Variants in HMCN2 observed in about 807,000 individuals in gnomAD.
HMCN2 encodes the protein hemicentin-2.
HMCN2 carries 325 observed loss-of-function variants against 377.5 expected under a neutral mutation model. That is an observed-to-expected ratio of 0.86 (90% CI 0.79 to 0.94). The LOEUF (loss-of-function observed/expected upper bound fraction) is 0.94. Among genes scored for constraint, HMCN2 ranks in the 40% least tolerant of loss-of-function variants. HMCN2 has a pLI of 0.00. For synonymous variants in HMCN2, 2,007 were observed against 2,046.8 expected (o/e 0.98, Z 0.53); for missense variants, 4,543 against 4,725.3 (o/e 0.96, Z 1.13).
chr9:130,277,106 G>A (rs927947154), intron 1 of HMCN2, among the ~76,000 whole-genome samples: 1 of 152,232 alleles, frequency 6.6e-6, no homozygotes, highest in African/African-American at 2.4e-5. Context: ...GGGTTAGGCC[G>A]TTCCACCCAT....
At chr9:130,348,825 T>C (rs537680856) in intron 27 of HMCN2, 150 bp downstream of exon 27, 1 of 1,224,270 alleles carries the variant, frequency 8.2e-7, no homozygotes, top group African/African-American at 1.5e-5. Context: ...CAGTGGAGGA[T>C]AGTGGTCATG....
intron 29 of HMCN2, among the ~76,000 whole-genome samples, chr9:130,350,745 A>ATG (rs1357878057): frequency 6.7e-6 from 1 of 149,826 alleles, no homozygotes; most frequent in Non-Finnish European, 1.5e-5. Context: ...ATATATATAT[A>ATG]TATATACGGG....
Position 130,365,746 on chromosome 9 carries a change from G to A in HMCN2, c.6505+19G>A. 1.0e-6 allele frequency: 1 copy of A among 984,082 alleles called. No individual in the cohort carries two copies. The allele number at this position is 984,082 out of a possible 1,614,324, so 61.0% of individuals were successfully genotyped here. ...GTCTGGGGTGAGGGTCTCCCAGGCT[G>A]GGCAGGGGGAGGGGGCTGCTGCCTT... On this transcript the variant is annotated intron_variant, in intron 42 of 97. Transcript: ENST00000683500.
At chr9:130,376,706 C>T (rs7867125) in intron 52 of HMCN2, 48 bp downstream of exon 52, 28,409 of 982,640 alleles carry the variant, frequency 0.029, 930 homozygotes, top group African/African-American at 0.15. Flanking sequence ...CCTCTGCTTC[C>T]GGCTGGTTCT....
chr9:130,287,706 T>C (rs1406601586), intron 4 of HMCN2, among the ~76,000 whole-genome samples: 7 of 152,186 alleles, frequency 4.6e-5, no homozygotes, highest in African/African-American at 1.7e-4. Flanking sequence ...TGAGTCCCGA[T>C]GGCCACAGCC....
At chr9:130,384,866 C>T in intron 59 of HMCN2, 68 bp downstream of exon 59, 2 of 1,050,432 alleles carry the variant, frequency 1.9e-6, no homozygotes, top group South Asian at 2.7e-5. Flanking sequence ...CCCATACTCC[C>T]CCAGAGAACA....
chr9:130,348,505 G>A (rs889843233), intron 26 of HMCN2, 40 bp from the exon 27 acceptor site: 2 of 1,298,326 alleles, frequency 1.5e-6, no homozygotes, highest in African/African-American at 1.5e-5. Flanking sequence ...TGGCTCTAAG[G>A]GGGCAGGGAA....
Position 130,288,201 on chromosome 9 carries a change from GTGAGGCTGGGCTGTCCTAAGCCTCTTCCT to G in HMCN2, c.612+1902_612+1930del, listed in dbSNP as rs532300086. Among the ~76,000 whole-genome samples the G allele has an allele frequency of 3.3e-5, 5 of 152,330 alleles. No homozygotes were observed. In the East Asian group the frequency reaches 9.6e-4, roughly 29 times the overall value. On this transcript the variant is annotated intron_variant, in intron 4 of 97. Coordinates refer to ENST00000683500, the MANE Select transcript of HMCN2 (RefSeq NM_001291815.2). ...GTTGATGGGGGCCACTCGCCCAGGTGTGAGGCTGGGCTGTCCTAAGCCTCTTCCTTGAGGCTGGGAACCTGGGCAAATCC... is the reference window on the plus strand; with the variant it reads ...GTTGATGGGGGCCACTCGCCCAGGTGTGAGGCTGGGAACCTGGGCAAATCC...
rs117027819 is a variant in HMCN2, at chr9:130,360,316, A to G, written c.5774-112A>G. On this transcript the variant is annotated intron_variant, in intron 37 of 97. Transcript: ENST00000683500. This position sits in a 1 kb window ranked among gnomAD's most constrained non-coding sequence, Gnocchi z 4.7. ...GCTTCTCTCTTCCATTCCCCCTTGC[A>G]TCTCTCTTCCTTTCCCCCTTGCATC... 2.4e-6 allele frequency: 1 copy of G among 421,036 alleles called. No individual in the cohort carries two copies. Among genetic ancestry groups the G allele is most frequent in the Non-Finnish European group, 3.6e-6 (1 of 275,420 alleles). The allele number at this position is 421,036 out of a possible 1,614,324, so 26.1% of individuals were successfully genotyped here.
intron 4 of HMCN2, among the ~76,000 whole-genome samples, chr9:130,292,953 T>A (rs1835866272): frequency 6.9e-6 from 1 of 144,650 alleles, no homozygotes; most frequent in African/African-American, 2.6e-5. Context: ...TCTGGATCAA[T>A]TGCTCTATCT....
At chr9:130,277,480 C>T (rs1043912087) in intron 1 of HMCN2, among the ~76,000 whole-genome samples, 1 of 152,206 alleles carries the variant, frequency 6.6e-6, no homozygotes, top group Non-Finnish European at 1.5e-5. Context: ...ACTGGACTCT[C>T]ATTTCTACTG....
At position 130,306,817 on chromosome 9, in the gene HMCN2, T is replaced by C. The variant is rs781888233; in HGVS notation, c.1965T>C (p.His655=). The C allele has an allele frequency of 1.1e-5, 5 of 468,606 alleles. No individual in the cohort carries two copies. The highest frequency in any genetic ancestry group is 7.8e-5 in the South Asian group (5 of 64,274). 29.0% of individuals were successfully genotyped at this position (468,606 alleles called of 1,614,324 possible). ...SQALQEDSRI[H]VDAQGTLIIQ... is the part of the protein sequence containing the mutation. ...TTCTATGGCATGATTCTAGAATCCATGTGGACGCACAGGGAACCCTGATTA... is the reference window on the plus strand; with the variant it reads ...TTCTATGGCATGATTCTAGAATCCACGTGGACGCACAGGGAACCCTGATTA... The change falls in exon 13 of 98, where the codon CAT becomes CAC. Residue 655 remains histidine (H), a synonymous_variant. Transcript: ENST00000683500.
rs763293002 is a variant in HMCN2 at position 130,355,870 on chromosome 9, T to C, written c.5255+16T>C. 3 of 1,273,234 alleles carry C rather than the reference T, an allele frequency of 2.4e-6. No homozygotes were observed. In the South Asian group the frequency reaches 3.7e-5, roughly 16 times the overall value. The allele number at this position is 1,273,234 out of a possible 1,614,324, so 78.9% of individuals were successfully genotyped here. ...CCACTATCCAGTGAGTCTGGGGTGG[T>C]GGAGGCCAGGGCTGGGGGTAGGCAG... On this transcript the variant is annotated intron_variant, in intron 33 of 97. Transcript: ENST00000683500.
rs916576131 is a variant in HMCN2, at chr9:130,303,190, C to G, written c.1421+189C>G. Among the ~76,000 whole-genome samples, 1 of 152,218 alleles carries G rather than the reference C, an allele frequency of 6.6e-6. No individual in the cohort carries two copies. The highest frequency in any genetic ancestry group is 1.5e-5 in the Non-Finnish European group (1 of 68,042). On this transcript the variant is annotated intron_variant, in intron 9 of 97. Coordinates refer to ENST00000683500, the MANE Select transcript of HMCN2 (RefSeq NM_001291815.2). This position sits in a 1 kb window ranked among gnomAD's most constrained non-coding sequence, Gnocchi z 5.2. ...AGGAGTTTTTCCGAGACTCCCACCA[C>G]TGCTGGGCCATCAGCTGGTGAAGGA...
At chr9:130,315,196 CCCCTCCCTCCCCT>C (rs2131380568) in intron 15 of HMCN2, among the ~76,000 whole-genome samples, 1 of 6,422 alleles carries the variant, frequency 1.6e-4, no homozygotes, top group Non-Finnish European at 3.7e-4. Flanking sequence ...CTCCCTCCCT[CCCCTCCCTCCCCT>C]CCCCTCCCTC....
chr9:130,424,232 G>A (rs920343321), intron 87 of HMCN2, among the ~76,000 whole-genome samples: 2 of 149,244 alleles, frequency 1.3e-5, no homozygotes, highest in Non-Finnish European at 3.0e-5. Flanking sequence ...AGGCTAGAGT[G>A]CAGTGGCATG....
In HMCN2 at chr9:130,355,769, G is replaced by A; in HGVS notation, c.5170G>A (p.Glu1724Lys). 2 of 1,303,618 alleles carry A rather than the reference G, an allele frequency of 1.5e-6. No homozygotes were observed. The highest frequency in any genetic ancestry group is 2.0e-6 in the Non-Finnish European group (2 of 988,926). 80.8% of individuals were successfully genotyped at this position (1,303,618 alleles called of 1,614,324 possible). Residue 1724 changes from glutamate (E) to lysine (K), a missense_variant, in exon 33 of 98, where the codon GAA (glutamate) becomes AAA (lysine). Around this residue, in one of 5 missense-constraint regions of HMCN2, gnomAD observed 1,032 missense variants for 1,285.1 expected, o/e 0.80. Coordinates refer to ENST00000683500, the MANE Select transcript of HMCN2 (RefSeq NM_001291815.2). ...AGTGCCCCCACAGCTCCTGGTGGCT[G>A]AAGGCTTGGGACAGGTGACCACCAT... is the stretch of plus-strand genomic sequence containing the variant. ...VQVPPQLLVAEGLGQVTTIVG... is the reference protein window; with the variant it reads ...VQVPPQLLVAKGLGQVTTIVG...
At chr9:130,339,262 G>A (rs1235629011) in intron 23 of HMCN2, among the ~76,000 whole-genome samples, 2 of 152,212 alleles carry the variant, frequency 1.3e-5, no homozygotes, top group Admixed American at 6.5e-5. Flanking sequence ...GTTTATCTAT[G>A]TGCTGCCTGT....
At chr9:130,358,009 G>C (rs773350463) in intron 35 of HMCN2, 21 bp downstream of exon 35, 1 of 1,296,270 alleles carries the variant, frequency 7.7e-7, no homozygotes, top group South Asian at 1.2e-5. Flanking sequence ...GGGCCCCAGG[G>C]CTGGCAAGCC....
Sources: allele counts gnomAD v4.1 joint callset (sites outside exome capture counted in the v4.1 genomes callset), GRCh38; gene constraint gnomAD v4.1.1; regional missense constraint gnomAD v4.1.1; non-coding constraint Gnocchi (gnomAD v3.1); transcripts MANE v1.5; gene names NCBI Gene and HGNC (gene_info 2026-07-23, HGNC 2026-07-21).